The following OSTF1 variants were observed in gnomAD, a reference collection of about 807,000 sequenced individuals.
OSTF1 encodes the protein osteoclast-stimulating factor 1.
In OSTF1, 27 loss-of-function variants were observed where a neutral mutation model predicts 37.2. That is an observed-to-expected ratio of 0.73 (90% CI 0.54 to 1.00). The LOEUF (loss-of-function observed/expected upper bound fraction) is 1.00, where lower values mean the gene tolerates loss of function less well. Among genes scored for constraint, OSTF1 ranks in the 50% least tolerant of loss-of-function variants. OSTF1 has a pLI of 0.00. For missense variants in OSTF1, 232 were observed against 253.8 expected (o/e 0.91, Z 0.58); for synonymous variants, 82 against 89.2 (o/e 0.92, Z 0.46).
At chr9:75,126,602 T>C (rs1238325709) in intron 2 of OSTF1, among the ~76,000 whole-genome samples, 1 of 152,132 alleles carries the variant, frequency 6.6e-6, no homozygotes, top group Non-Finnish European at 1.5e-5. Context: ...TTTGTTTTGT[T>C]TTGTTTTTTG....
intron 2 of OSTF1, among the ~76,000 whole-genome samples, chr9:75,117,786 C>G (rs1825515666): frequency 6.6e-6 from 1 of 152,218 alleles, no homozygotes; most frequent in Non-Finnish European, 1.5e-5. Context: ...ACACCACCTG[C>G]TTTCAAATTG....
At chr9:75,092,334 T>G (rs1824990403) in intron 1 of OSTF1, among the ~76,000 whole-genome samples, 1 of 152,176 alleles carries the variant, frequency 6.6e-6, no homozygotes. Flanking sequence ...TTTGGCCATA[T>G]CCAGAATTCA....
At chr9:75,129,909 T>G (rs1229375590) in intron 3 of OSTF1, among the ~76,000 whole-genome samples, 1 of 152,228 alleles carries the variant, frequency 6.6e-6, no homozygotes, top group Admixed American at 6.5e-5. Context: ...GAAAAAACTT[T>G]TAAGCTGTGA....
At chr9:75,137,663 T>C (rs1825864797) in intron 8 of OSTF1, 47 bp downstream of exon 8, 8 of 1,176,382 alleles carry the variant, frequency 6.8e-6, no homozygotes, top group Non-Finnish European at 1.0e-5. Context: ...CCCTGAAAAA[T>C]AGTCTATATC....
chr9:75,145,204 AG>A (rs1001287897), intron 9 of OSTF1, among the ~76,000 whole-genome samples: 29 of 142,828 alleles, frequency 2.0e-4, no homozygotes, highest in African/African-American at 7.1e-4. Context: ...GATCTAATTT[AG>A]GTTCTATCCA....
At chr9:75,109,954 G>T (rs1389755796) in intron 1 of OSTF1, among the ~76,000 whole-genome samples, 1 of 152,106 alleles carries the variant, frequency 6.6e-6, no homozygotes, top group East Asian at 1.9e-4. Context: ...TGAGTGGAAG[G>T]TACAGAGATT....
intron 4 of OSTF1, among the ~76,000 whole-genome samples, chr9:75,131,233 C>CTGAT (rs1374299735): frequency 2.0e-5 from 3 of 152,242 alleles, no homozygotes; most frequent in Non-Finnish European, 4.4e-5. Flanking sequence ...ACACTTCCTA[C>CTGAT]TGATTCTAGG....
chr9:75,097,659 T>A (rs1054108308), intron 1 of OSTF1, among the ~76,000 whole-genome samples: 1 of 152,150 alleles, frequency 6.6e-6, no homozygotes, highest in Non-Finnish European at 1.5e-5. Flanking sequence ...ATTACTGTTA[T>A]AATCAACTTT....
chr9:75,138,501 TA>T (rs1374563818), intron 8 of OSTF1, among the ~76,000 whole-genome samples: 5 of 152,170 alleles, frequency 3.3e-5, no homozygotes, highest in African/African-American at 1.2e-4. Context: ...AGATGTGCTG[TA>T]AGTGTAAAAT....
intron 1 of OSTF1, among the ~76,000 whole-genome samples, chr9:75,108,298 T>A (rs1362587995): frequency 6.6e-6 from 1 of 151,574 alleles, no homozygotes; most frequent in Admixed American, 6.6e-5. Context: ...TGGAAACAAG[T>A]AATTTCTCTA....
At chr9:75,117,463 G>C (rs1309625610) in intron 1 of OSTF1, 41 bp from the exon 2 acceptor site, 6 of 1,468,388 alleles carry the variant, frequency 4.1e-6, no homozygotes, top group Non-Finnish European at 5.7e-6. Context: ...AGCAAATTCA[G>C]GAATGAAAAA....
chr9:75,134,618 T>C (rs1463526700), intron 7 of OSTF1, among the ~76,000 whole-genome samples: 2 of 152,194 alleles, frequency 1.3e-5, no homozygotes, highest in Non-Finnish European at 2.9e-5. Flanking sequence ...GTACTTACCT[T>C]TGTGTTACTA....
At chr9:75,116,966 A>T (rs1825500784) in intron 1 of OSTF1, among the ~76,000 whole-genome samples, 1 of 151,890 alleles carries the variant, frequency 6.6e-6, no homozygotes, top group Non-Finnish European at 1.5e-5. Context: ...TTTTTCTTGG[A>T]TAGAGATATT....
chr9:75,130,395 T>G (rs1665383778), intron 3 of OSTF1, among the ~76,000 whole-genome samples, 183 bp from the exon 4 acceptor site: 1 of 152,184 alleles, frequency 6.6e-6, no homozygotes, highest in Non-Finnish European at 1.5e-5. Context: ...AGATGCGTGT[T>G]TATTTGTAAC....
chr9:75,104,087 AAGT>A (rs982905229), intron 1 of OSTF1, among the ~76,000 whole-genome samples: 6 of 152,060 alleles, frequency 3.9e-5, no homozygotes, highest in African/African-American at 1.4e-4. Context: ...ACAAAAAAAA[AAGT>A]AGCCCAGCCC....
intron 3 of OSTF1, among the ~76,000 whole-genome samples, chr9:75,128,581 C>CATAT (rs57516721): frequency 0.02 from 41 of 2,102 alleles, 11 homozygotes; most frequent in South Asian, 0.036. Flanking sequence ...ATATTTTGTC[C>CATAT]ATATATATAT....
At chr9:75,129,499 A>C (rs1193241086) in intron 3 of OSTF1, among the ~76,000 whole-genome samples, 1 of 152,200 alleles carries the variant, frequency 6.6e-6, no homozygotes, top group Admixed American at 6.5e-5. Flanking sequence ...AACATTACAA[A>C]AAGAAGCCGA....
intron 1 of OSTF1, among the ~76,000 whole-genome samples, chr9:75,093,396 A>G (rs1361470592): frequency 6.6e-6 from 1 of 152,220 alleles, no homozygotes; most frequent in Non-Finnish European, 1.5e-5. Context: ...TCTGAGAGTA[A>G]GAATGGGCCA....
intron 3 of OSTF1, among the ~76,000 whole-genome samples, chr9:75,127,953 G>A (rs1480087166): frequency 1.3e-5 from 2 of 151,820 alleles, no homozygotes; most frequent in African/African-American, 4.8e-5. Flanking sequence ...TCTAGGAAAG[G>A]GTGAGAGTGT....
Sources: gnomAD v4.1 joint callset for allele counts (sites outside exome capture counted in the v4.1 genomes callset) on GRCh38, gnomAD v4.1.1 for gene constraint, MANE v1.5 for transcripts, NCBI Gene and HGNC (gene_info 2026-07-23, HGNC 2026-07-21) for gene names.